The following NCAPG variants were observed in gnomAD, a reference collection of about 807,000 sequenced individuals.
The protein encoded by NCAPG is non-SMC condensin I complex subunit G.
Under a neutral mutation model 113.1 loss-of-function variants are expected in NCAPG, and 69 were observed. That is an observed-to-expected ratio of 0.61 (90% CI 0.50 to 0.75). NCAPG has a LOEUF of 0.75. NCAPG is among the 30% of genes least tolerant of loss of function. NCAPG has a pLI of 0.00. For synonymous variants in NCAPG, 370 were observed against 415.8 expected, an observed-to-expected ratio of 0.89 and a Z score of 1.34; for missense variants, 1,058 against 1,177.0, an observed-to-expected ratio of 0.90 and a Z score of 1.48.
intron 13 of NCAPG, among the ~76,000 whole-genome samples, chr4:17,832,775 G>A (rs1169359840): frequency 6.6e-6 from 1 of 152,096 alleles, no homozygotes; most frequent in Non-Finnish European, 1.5e-5. Flanking sequence ...GGGAGATGAA[G>A]AGGAACCAGT....
At position 17,825,177 on chromosome 4, in the gene NCAPG, T is replaced by C. The variant is rs186713495; in HGVS notation, c.1473+120T>C. 607 of 822,878 alleles carry C rather than the reference T, an allele frequency of 7.4e-4. 3 individuals are homozygous for C. The highest frequency in any genetic ancestry group is 6.6e-5 in the Non-Finnish European group (35 of 527,622). 51.0% of individuals were successfully genotyped at this position (822,878 alleles called of 1,614,324 possible). A position where few individuals can be genotyped will look rare whatever the true frequency, so the allele number is the denominator to read the frequency against. ...CATAATCAAATTATTGTTTAATTGT[T>C]AAACTATAAGAATATTTAAAATGTT... On this transcript the variant is annotated intron_variant, in intron 10 of 20. Coordinates refer to ENST00000251496, the MANE Select transcript of NCAPG (RefSeq NM_022346.5).
chr4:17,826,777 G>A (rs976633114), intron 11 of NCAPG, among the ~76,000 whole-genome samples: 1 of 152,196 alleles, frequency 6.6e-6, no homozygotes, highest in Non-Finnish European at 1.5e-5. Context: ...TGCTGGTAGA[G>A]TATTGTTGGC....
At chr4:17,816,916 C>A (rs1287982603) in intron 5 of NCAPG, among the ~76,000 whole-genome samples, 3 of 152,052 alleles carry the variant, frequency 2.0e-5, no homozygotes, top group Non-Finnish European at 4.4e-5. Flanking sequence ...AGGCGGATCA[C>A]GAGGTCAAGA....
Position 17,843,480 on chromosome 4 carries a change from A to AAAG in NCAPG, c.*62_*64dup, listed in dbSNP as rs1158368879. On this transcript the variant is annotated 3_prime_UTR_variant, in exon 21 of 21. Coordinates refer to ENST00000251496, the MANE Select transcript of NCAPG (RefSeq NM_022346.5). The stretch of plus-strand genomic sequence containing the variant: ...ATTATGTCCAGTTATTTGCTTTAAT[A>AAAG]AAGAAGAAGTTACCCTTGTCAAAAT... 21 of 1,582,516 alleles carry AAAG rather than the reference A, an allele frequency of 1.3e-5. No homozygotes were observed. Among genetic ancestry groups the AAAG allele is most frequent in the Non-Finnish European group, 1.6e-5 (19 of 1,160,760 alleles).
rs1390757093 is a variant in NCAPG at position 17,818,084 on chromosome 4, T to C, written c.1114T>C (p.Leu372=). 2 of 1,596,776 alleles carry C rather than the reference T, an allele frequency of 1.3e-6. No homozygotes were observed. The highest frequency in any genetic ancestry group is 1.7e-6 in the Non-Finnish European group (2 of 1,174,184). Residue 372 remains leucine, a synonymous_variant, in exon 7 of 21, where the codon TTG becomes CTG. Transcript: ENST00000251496. ...PEPVVYADYL[L]SYIQSIPVVN... ...GCCTGTAGTATATGCAGACTATTTA[T>C]TGAGGTAAATTTTTTTTCTTTTAGT...
chr4:17,817,458 A>T lies in NCAPG; in HGVS notation c.968+5A>T, dbSNP rs747676910. ...CTGTAAAAACAATGATGGCAGGTAC[A>T]TAAAGGATTCATTCTTTGAAATGTA... On this transcript the variant is annotated splice_donor_5th_base_variant and intron_variant, in intron 6 of 20. Coordinates refer to ENST00000251496, the MANE Select transcript of NCAPG (RefSeq NM_022346.5). The T allele has an allele frequency of 1.2e-6, 2 of 1,610,920 alleles. No homozygotes were observed.
chr4:17,826,353 C>T (rs895195543), intron 11 of NCAPG, among the ~76,000 whole-genome samples: 3 of 152,012 alleles, frequency 2.0e-5, no homozygotes, highest in Admixed American at 2.0e-4. Flanking sequence ...AAATAGGAGA[C>T]TCTTTTATAT....
intron 11 of NCAPG, 24 bp from the exon 12 acceptor site, chr4:17,828,254 C>T (rs774274613): frequency 1.3e-6 from 2 of 1,530,780 alleles, no homozygotes; most frequent in African/African-American, 1.4e-5. Flanking sequence ...ATTACTAATG[C>T]TGAATATTTT....
intron 5 of NCAPG, 55 bp from the exon 6 acceptor site, chr4:17,817,206 A>G: frequency 7.7e-7 from 1 of 1,295,606 alleles, no homozygotes; most frequent in Admixed American, 2.0e-5. Flanking sequence ...ACAAAATACA[A>G]GAGATGGAAG....
Position 17,839,692 on chromosome 4 carries a change from A to G in NCAPG, c.2483A>G (p.Asp828Gly), listed in dbSNP as rs780922890. The change falls in exon 17 of 21, where the codon GAC becomes GGC. Residue 828 changes from aspartate to glycine, a missense_variant. By Grantham distance (94) the Asp-to-Gly change is moderately conservative. Transcript: ENST00000251496. Reference protein sequence around the residue: ...SQDYQALTVHDNLAMKICNEI... With the variant: ...SQDYQALTVHGNLAMKICNEI... ...ATTTTTTAGGCCTTAACAGTACATG[A>G]CAATTTGGCTATGAAAATTTGCAAT... The G allele has an allele frequency of 1.9e-6, 3 of 1,559,088 alleles. No individual in the cohort carries two copies. Among genetic ancestry groups the G allele is most frequent in the Non-Finnish European group, 2.6e-6 (3 of 1,163,488 alleles).
rs71719698 is a variant in NCAPG at position 17,844,662 on chromosome 4, T to TA, written c.*1240dup. 0.1 allele frequency: 15,579 copies of TA among 152,456 alleles called. 1,904 individuals carry two copies. Among genetic ancestry groups the TA allele is most frequent in the African/African-American group, 0.29 (12,205 of 41,454 alleles). The allele number at this position is 152,456 out of a possible 1,614,324, so 9.4% of individuals were successfully genotyped here. A position where few individuals can be genotyped will look rare whatever the true frequency, so the allele number is the denominator to read the frequency against. ...TCAGATTCCTTATGTGTTGTTGTTT[T>TA]AAAGACAATTTGCAGGGGGTTGGGA... On this transcript the variant is annotated 3_prime_UTR_variant, in exon 21 of 21. Transcript: ENST00000251496.
chr4:17,842,327 G>A lies in NCAPG; in HGVS notation c.2872G>A (p.Val958Ile). ...KTNRGQRKVTVSARTNRRCQT... is the reference protein window; with the variant it reads ...KTNRGQRKVTISARTNRRCQT... Reference sequence around the variant, plus strand: ...TCTTCAAGGACAGAGAAAAGTGACAGTTTCAGCTAGGACGAACAGGAGGTG... The same window carrying A: ...TCTTCAAGGACAGAGAAAAGTGACAATTTCAGCTAGGACGAACAGGAGGTG... The change falls in exon 20 of 21, where the codon GTT becomes ATT. Residue 958 changes from valine to isoleucine, a missense_variant. Transcript: ENST00000251496. 1 of 1,612,048 alleles carries A rather than the reference G, an allele frequency of 6.2e-7. No individual in the cohort carries two copies. Among genetic ancestry groups the A allele is most frequent in the Non-Finnish European group, 8.5e-7 (1 of 1,178,448 alleles).
At chr4:17,821,843 G>C (rs762574436) in intron 7 of NCAPG, among the ~76,000 whole-genome samples, 1 of 152,084 alleles carries the variant, frequency 6.6e-6, no homozygotes. Context: ...GCACTTCGCT[G>C]TCTAAGCTTC....
chr4:17,821,712 C>T (rs1039292511), intron 7 of NCAPG, among the ~76,000 whole-genome samples: 1 of 152,038 alleles, frequency 6.6e-6, no homozygotes, highest in African/African-American at 2.4e-5. Context: ...GATCCTCCCG[C>T]CTCAACCCCC....
rs1181622900 is a variant in NCAPG, at chr4:17,812,225, A to G, written c.116A>G (p.Asp39Gly). Residue 39 changes from aspartate (D) to glycine (G), a missense_variant, in exon 2 of 21, where the codon GAT becomes GGT. Transcript: ENST00000251496. Reference protein sequence around the residue: ...VALSRTYRTMDDKTVFHEEFI... With the variant: ...VALSRTYRTMGDKTVFHEEFI... The stretch of plus-strand genomic sequence containing the variant: ...AGGGTTTCTTTTGTCTTTCAGATGG[A>G]TGATAAGACAGTTTTTCATGAGGAG... 1 of 1,611,054 alleles carries G rather than the reference A, an allele frequency of 6.2e-7. No homozygotes were observed. The highest frequency in any genetic ancestry group is 1.7e-5 in the Admixed American group (1 of 59,572).
Position 17,840,248 on chromosome 4 carries a change from T to C in NCAPG, c.2767+39T>C, listed in dbSNP as rs1421170496. The C allele has an allele frequency of 2.1e-6, 3 of 1,452,198 alleles. No individual in the cohort carries two copies. In the East Asian group the frequency reaches 7.6e-5, roughly 37 times the overall value. The allele number at this position is 1,452,198 out of a possible 1,614,324, so 90.0% of individuals were successfully genotyped here. A position where few individuals can be genotyped will look rare whatever the true frequency, so the allele number is the denominator to read the frequency against. ...GAACAGAATATTTATAAGGTTCTGT[T>C]TTTTTTTTTCCATCTTTACTGAGAC... is the stretch of plus-strand genomic sequence containing the variant. On this transcript the variant is annotated intron_variant, in intron 18 of 20. Transcript: ENST00000251496.
chr4:17,815,665 C>G lies in NCAPG; in HGVS notation c.775+307C>G, dbSNP rs145400943. On this transcript the variant is annotated intron_variant, in intron 5 of 20. Coordinates refer to ENST00000251496, the MANE Select transcript of NCAPG (RefSeq NM_022346.5). ...TCAGCCTCCTGAGCAGCTGGGATTA[C>G]AGGTGAACATCACCATGTCTGGTTA... Among the ~76,000 whole-genome samples the G allele has an allele frequency of 2.1e-3, 319 of 152,268 alleles. 1 individual carries two copies. The highest frequency in any genetic ancestry group is 3.7e-3 in the Non-Finnish European group (252 of 68,028).
At chr4:17,822,798 TAA>T (rs944154720) in intron 7 of NCAPG, among the ~76,000 whole-genome samples, 183 bp from the exon 8 acceptor site, 3 of 152,180 alleles carry the variant, frequency 2.0e-5, no homozygotes, top group Non-Finnish European at 4.4e-5. Flanking sequence ...GATTCATCAA[TAA>T]GTTTGTTTGC....
Position 17,840,192 on chromosome 4 carries a change from C to T in NCAPG, c.2750C>T (p.Thr917Ile). The change falls in exon 18 of 21, where the codon ACT becomes ATT. Residue 917 changes from threonine (T) to isoleucine (I), a missense_variant. Physicochemically the swap from Thr to Ile is moderately conservative, Grantham distance 89 (BLOSUM62 -1). Transcript: ENST00000251496. ...AAQDATLTTT[T>I]FQNEDEKNKE... ...CAGGATGCCACCTTGACTACAACTA[C>T]TTTCCAAAATGAAGATGGTAATCAC... The T allele has an allele frequency of 1.3e-6, 2 of 1,597,766 alleles. No homozygotes were observed. The highest frequency in any genetic ancestry group is 1.7e-6 in the Non-Finnish European group (2 of 1,174,704).
Sources: allele counts gnomAD v4.1 joint callset (sites outside exome capture counted in the v4.1 genomes callset), GRCh38; gene constraint gnomAD v4.1.1; transcripts MANE v1.5; gene names NCBI Gene and HGNC (gene_info 2026-07-23, HGNC 2026-07-21).